ZNF253: variants seen among roughly 807,000 people sequenced by gnomAD.
The protein encoded by ZNF253 is zinc finger protein 253.
ZNF253 carries 8 observed loss-of-function variants against 11.9 expected under a neutral mutation model. That is an observed-to-expected ratio of 0.67 (90% confidence interval 0.40 to 1.22). ZNF253 has a LOEUF of 1.22. Ranked by LOEUF, ZNF253 falls within the 50% of genes most tolerant of loss-of-function variation. The pLI, the probability that ZNF253 is intolerant of heterozygous loss-of-function variation, is 0.01. For synonymous variants in ZNF253, 194 were observed against 194.9 expected (o/e 1.00, Z 0.04); for missense variants, 485 against 586.9 (o/e 0.83, Z 1.79).
chr19:19,885,351 TTTCTTC>T (rs1452598517), intron 3 of ZNF253, among the ~76,000 whole-genome samples: 2 of 67,608 alleles, frequency 3.0e-5, no homozygotes, highest in Non-Finnish European at 4.7e-5. Flanking sequence ...TCTTTCTTTC[TTTCTTC>T]CTTTCTTTTC....
At chr19:19,870,262 C>T (rs771982828) in intron 1 of ZNF253, among the ~76,000 whole-genome samples, 2 of 151,674 alleles carry the variant, frequency 1.3e-5, no homozygotes, top group Non-Finnish European at 2.9e-5. Flanking sequence ...TGTGGTGGCA[C>T]GCGCCTGTAA....
rs1027127987 is a variant in ZNF253, at chr19:19,893,530, A to C, written c.*783A>C. 6 of 152,118 alleles carry C rather than the reference A, an allele frequency of 3.9e-5. No individual in the cohort carries two copies. The highest frequency in any genetic ancestry group is 7.4e-5 in the Non-Finnish European group (5 of 68,026). The allele number at this position is 152,118 out of a possible 1,614,324, so 9.4% of individuals were successfully genotyped here. A position where few individuals can be genotyped will look rare whatever the true frequency, so the allele number is the denominator to read the frequency against. ...GTAGGTGATAGAAGTCATACTGCCA[A>C]AACTCCTGTAAGTGTGAAGAATGTG... On this transcript the variant is annotated 3_prime_UTR_variant, in exon 4 of 4. Transcript: ENST00000589717.
intron 3 of ZNF253, among the ~76,000 whole-genome samples, chr19:19,882,698 T>C (rs10412710): frequency 0.43 from 65,743 of 152,054 alleles, 18,976 homozygotes; most frequent in African/African-American, 0.81. Flanking sequence ...AATTGCTGGA[T>C]GCGGTGGCTC....
At chr19:19,868,146 CT>C (rs1349574062) in intron 1 of ZNF253, among the ~76,000 whole-genome samples, 1 of 151,510 alleles carries the variant, frequency 6.6e-6, no homozygotes, top group Non-Finnish European at 1.5e-5. Flanking sequence ...TGTAGGTTGT[CT>C]GTTTACTCTG....
chr19:19,891,344 A>C (rs1392762650), intron 3 of ZNF253, 130 bp from the exon 4 acceptor site: 1 of 754,802 alleles, frequency 1.3e-6, no homozygotes, highest in Non-Finnish European at 2.1e-6. Context: ...TCCAGGAAGA[A>C]ATCAGAACTG....
At chr19:19,885,200 C>A in intron 3 of ZNF253, among the ~76,000 whole-genome samples, 1 of 151,164 alleles carries the variant, frequency 6.6e-6, no homozygotes, top group Non-Finnish European at 1.5e-5. Context: ...AGACCAATGT[C>A]ATGTCTTTTT....
At chr19:19,875,081 G>A (rs558420693) in intron 1 of ZNF253, among the ~76,000 whole-genome samples, 1 of 152,248 alleles carries the variant, frequency 6.6e-6, no homozygotes, top group South Asian at 2.1e-4. Flanking sequence ...GCCTTATTTA[G>A]GTCTGCCTCT....
chr19:19,890,678 T>A (rs1355814092), intron 3 of ZNF253, among the ~76,000 whole-genome samples: 4 of 151,892 alleles, frequency 2.6e-5, no homozygotes, highest in Non-Finnish European at 5.9e-5. Flanking sequence ...CCTGTTACCA[T>A]GCCTGGCTAA....
At chr19:19,873,292 C>T (rs2063142226) in intron 1 of ZNF253, among the ~76,000 whole-genome samples, 1 of 149,388 alleles carries the variant, frequency 6.7e-6, no homozygotes, top group African/African-American at 2.4e-5. Flanking sequence ...TGTTCTTTCT[C>T]TTACCCAAAG....
At chr19:19,880,211 A>G in intron 3 of ZNF253, 65 bp downstream of exon 3, 1 of 1,247,846 alleles carries the variant, frequency 8.0e-7, no homozygotes, top group Non-Finnish European at 1.1e-6. Flanking sequence ...TCAAAGAGAA[A>G]ACCAGTCTTT....
chr19:19,889,735 G>T (rs1187148177), intron 3 of ZNF253, among the ~76,000 whole-genome samples: 1 of 152,080 alleles, frequency 6.6e-6, no homozygotes, highest in Non-Finnish European at 1.5e-5. Context: ...CCCATCTTGG[G>T]TTCAAGCAGT....
chr19:19,866,037 G>A, intron 1 of ZNF253, 38 bp downstream of exon 1: 4 of 1,614,082 alleles, frequency 2.5e-6, no homozygotes, highest in Non-Finnish European at 2.5e-6. Context: ...GAGGGGAGAG[G>A]CTGTTTGGAA....
chr19:19,891,258 C>T (rs1192054706), intron 3 of ZNF253, among the ~76,000 whole-genome samples: 1 of 152,136 alleles, frequency 6.6e-6, no homozygotes, highest in South Asian at 2.1e-4. Context: ...TCACCTGGAG[C>T]CCTTCACACA....
In ZNF253 at chr19:19,883,182, T is replaced by G. The variant is rs565029612; in HGVS notation, c.226+3036T>G. ...TTAATGATGAATATATATTTCCTTT[T>G]GTGAGAAAAGCACTTTTGTGATTTG... On this transcript the variant is annotated intron_variant, in intron 3 of 3. Transcript: ENST00000589717. Among the ~76,000 whole-genome samples the G allele has an allele frequency of 5.9e-5, 9 of 152,330 alleles. No homozygotes were observed. The East Asian group carries it at 1.5e-3, about 26-fold the overall frequency.
chr19:19,893,003 G>A lies in ZNF253; in HGVS notation c.*256G>A, dbSNP rs1281721635. 10 of 412,456 alleles carry A rather than the reference G, an allele frequency of 2.4e-5. No individual in the cohort carries two copies. The East Asian group carries it at 3.8e-4, about 15-fold the overall frequency. 25.5% of individuals were successfully genotyped at this position (412,456 alleles called of 1,614,324 possible). On this transcript the variant is annotated 3_prime_UTR_variant, in exon 4 of 4. Coordinates refer to ENST00000589717, the MANE Select transcript of ZNF253 (RefSeq NM_021047.3). ...TCAATTCCTTTTTTTTTGAGATGGA[G>A]TTTCACTCTTGTCACCGAGGCTGGA...
intron 1 of ZNF253, among the ~76,000 whole-genome samples, chr19:19,872,339 C>T (rs898471956): frequency 3.3e-5 from 5 of 151,966 alleles, no homozygotes; most frequent in African/African-American, 1.2e-4. Context: ...ATTTTGAATC[C>T]AAGTTTTTGA....
chr19:19,876,361 G>T (rs2063156070), intron 1 of ZNF253, among the ~76,000 whole-genome samples: 1 of 152,194 alleles, frequency 6.6e-6, no homozygotes, highest in African/African-American at 2.4e-5. Context: ...GCACTAAAGG[G>T]TGGTCACAGG....
chr19:19,889,055 T>C (rs766267361), intron 3 of ZNF253, among the ~76,000 whole-genome samples: 19 of 152,150 alleles, frequency 1.2e-4, no homozygotes, highest in Admixed American at 3.9e-4. Flanking sequence ...ATCATTTTTA[T>C]CTTGCAGCAC....
chr19:19,892,392 C>A lies in ZNF253; in HGVS notation c.1145C>A (p.Thr382Asn), dbSNP rs1406613261. 1 of 1,611,928 alleles carries A rather than the reference C, an allele frequency of 6.2e-7. No homozygotes were observed. The highest frequency in any genetic ancestry group is 8.5e-7 in the Non-Finnish European group (1 of 1,179,530). ...GGCAAAGCTTTTAACCATTCCACAA[C>A]CCTTTTTTCACATGAGAAAATTCAT... ...ECGKAFNHSTTLFSHEKIHTG... is the reference protein window; with the variant it reads ...ECGKAFNHSTNLFSHEKIHTG... Residue 382 changes from threonine (T) to asparagine (N), a missense_variant, in exon 4 of 4, where the codon ACC becomes AAC. Around this residue, in one of 3 missense-constraint regions of ZNF253, gnomAD observed 232 missense variants for 321.4 expected, o/e 0.72. Transcript: ENST00000589717.
Sources: gnomAD v4.1 joint callset for allele counts (sites outside exome capture counted in the v4.1 genomes callset) on GRCh38, gnomAD v4.1.1 for gene constraint, gnomAD v4.1.1 regional missense constraint, MANE v1.5 for transcripts, NCBI Gene and HGNC (gene_info 2026-07-23, HGNC 2026-07-21) for gene names.